Variants in CAMK2A observed in about 807,000 individuals in gnomAD.
The protein encoded by CAMK2A is calcium/calmodulin-dependent protein kinase type II subunit alpha.
Under a neutral mutation model 79.2 loss-of-function variants are expected in CAMK2A, and 7 were observed. The observed-to-expected ratio is 0.09, with a 90% CI of 0.05 to 0.17. The LOEUF (loss-of-function observed/expected upper bound fraction) is 0.17. Ranked by LOEUF, CAMK2A falls within the 10% of genes least tolerant of loss-of-function variation. The probability of loss-of-function intolerance (pLI) is 1.00; values close to 1 mark genes in which losing one functional copy is unlikely to be tolerated. For synonymous variants in CAMK2A, 242 were observed against 251.7 expected (o/e 0.96, Z 0.36); for missense variants, 214 against 646.4 (o/e 0.33, Z 7.25).
At chr5:150,235,867 G>A (rs143666793) in intron 15 of CAMK2A, among the ~76,000 whole-genome samples, 138 of 152,240 alleles carry the variant, frequency 9.1e-4, no homozygotes, top group African/African-American at 3.2e-3. Context: ...CTCTGAGGCC[G>A]GGAGAGGCTG....
intron 3 of CAMK2A, 55 bp from the exon 4 acceptor site, chr5:150,257,672 G>T: frequency 7.2e-7 from 1 of 1,383,216 alleles, no homozygotes. Context: ...GCACAGGCCC[G>T]CCCTCCCTCT....
chr5:150,220,682 C>A lies in CAMK2A; in HGVS notation c.*2028G>T, dbSNP rs900721900. 6.6e-6 allele frequency: 1 copy of A among 152,194 alleles called. No homozygotes were observed. Among genetic ancestry groups the A allele is most frequent in the Non-Finnish European group, 1.5e-5 (1 of 68,012 alleles). 9.4% of individuals were successfully genotyped at this position (152,194 alleles called of 1,614,324 possible). A position where few individuals can be genotyped will look rare whatever the true frequency, so the allele number is the denominator to read the frequency against. The stretch of plus-strand genomic sequence containing the variant: ...GGATCACTGGGCCTTACTGGGAAGC[C>A]CTCTGGGCCTGGGGCAGGCCAAGAG... On this transcript the variant is annotated 3_prime_UTR_variant, in exon 19 of 19. Transcript: ENST00000671881.
intron 11 of CAMK2A, among the ~76,000 whole-genome samples, chr5:150,249,706 C>G (rs1755742069): frequency 6.6e-6 from 1 of 152,148 alleles, no homozygotes; most frequent in South Asian, 2.1e-4. Flanking sequence ...TGCCACCATG[C>G]CTGGCTAATT....
intron 2 of CAMK2A, among the ~76,000 whole-genome samples, chr5:150,270,663 C>A (rs1466124748): frequency 6.6e-6 from 1 of 151,784 alleles, no homozygotes; most frequent in Admixed American, 6.6e-5. Context: ...CTCCTCCTCT[C>A]CCGCTGGGAA....
rs980976303 is a variant in CAMK2A, at chr5:150,245,304, A to T, written c.944-103T>A. 6.5e-6 allele frequency: 7 copies of T among 1,084,728 alleles called. No homozygotes were observed. In the African/African-American group the frequency reaches 1.1e-4, roughly 17 times the overall value. 67.2% of individuals were successfully genotyped at this position (1,084,728 alleles called of 1,614,324 possible). A position where few individuals can be genotyped will look rare whatever the true frequency, so the allele number is the denominator to read the frequency against. On this transcript the variant is annotated intron_variant, in intron 12 of 18. Transcript: ENST00000671881. ...CACACGCAGCCGGAGGGCAGACTGC[A>T]GGGAGCAGAGCTGGCCCAGCGATCC...
At position 150,284,038 on chromosome 5, in the gene CAMK2A, G is replaced by C. The variant is rs1357538542; in HGVS notation, c.62+5526C>G. Among the ~76,000 whole-genome samples the C allele has an allele frequency of 6.6e-6, 1 of 152,222 alleles. No individual in the cohort carries two copies. Among genetic ancestry groups the C allele is most frequent in the African/African-American group, 2.4e-5 (1 of 41,466 alleles). ...GGTTGGGCTGCACCTGCACTCAGCA[G>C]GTTGCCTGGGGTAGGAGGCTTCCTA... On this transcript the variant is annotated intron_variant, in intron 1 of 18. Coordinates refer to ENST00000671881, the MANE Select transcript of CAMK2A (RefSeq NM_015981.4). This position sits in a 1 kb window ranked among gnomAD's most constrained non-coding sequence, Gnocchi z 5.3.
intron 15 of CAMK2A, among the ~76,000 whole-genome samples, chr5:150,231,772 G>C (rs536552714): frequency 6.6e-6 from 1 of 152,254 alleles, no homozygotes; most frequent in East Asian, 1.9e-4. Flanking sequence ...TACCACCTTT[G>C]CTTTGCCATG....
intron 3 of CAMK2A, among the ~76,000 whole-genome samples, chr5:150,262,644 CAAT>C (rs1409308417): frequency 1.3e-5 from 2 of 152,158 alleles, no homozygotes; most frequent in Non-Finnish European, 2.9e-5. Context: ...GTAAATGACT[CAAT>C]GATGATGATG....
At chr5:150,245,270 A>T in intron 12 of CAMK2A, 69 bp from the exon 13 acceptor site, 1 of 1,497,454 alleles carries the variant, frequency 6.7e-7, no homozygotes, top group Non-Finnish European at 9.3e-7. Flanking sequence ...GGCGAGGACG[A>T]GCAGCATCCA....
intron 3 of CAMK2A, among the ~76,000 whole-genome samples, chr5:150,262,722 G>A (rs1276937019): frequency 6.6e-6 from 1 of 152,084 alleles, no homozygotes; most frequent in Admixed American, 6.5e-5. Flanking sequence ...TTTACTTAAC[G>A]CTATCTCATT....
Position 150,251,988 on chromosome 5 carries a change from C to G in CAMK2A, c.592G>C (p.Ala198Pro). The stretch of plus-strand genomic sequence containing the variant: ...GGCCTTAGGATGAACTCACCACAAG[C>G]CCACAGGTCCACAGGCTTCCCGTAC... ...DPYGKPVDLW[A>P]CGVILYILLV... Residue 198 changes from alanine to proline, a missense_variant, in exon 8 of 19, where the codon GCT (alanine) becomes CCT (proline). Coordinates refer to ENST00000671881, the MANE Select transcript of CAMK2A (RefSeq NM_015981.4). 1 of 1,613,692 alleles carries G rather than the reference C, an allele frequency of 6.2e-7. No individual in the cohort carries two copies. Among genetic ancestry groups the G allele is most frequent in the Non-Finnish European group, 8.5e-7 (1 of 1,179,670 alleles).
At chr5:150,267,572 G>A (rs1756563007) in intron 2 of CAMK2A, among the ~76,000 whole-genome samples, 1 of 152,212 alleles carries the variant, frequency 6.6e-6, no homozygotes, top group African/African-American at 2.4e-5. Flanking sequence ...CAATTAACCT[G>A]CATTTTCACT....
In CAMK2A at chr5:150,289,561, C is replaced by A; in HGVS notation, c.62+3G>T. The A allele has an allele frequency of 6.2e-7, 1 of 1,613,552 alleles. No individual in the cohort carries two copies. The highest frequency in any genetic ancestry group is 8.5e-7 in the Non-Finnish European group (1 of 1,179,506). ...TTCCAGGACTTCCTGAGGCACAACTCACTTGCCCAATTCCTCGAAGAGCTG... is the reference window on the plus strand; with the variant it reads ...TTCCAGGACTTCCTGAGGCACAACTAACTTGCCCAATTCCTCGAAGAGCTG... On this transcript the variant is annotated splice_donor_region_variant and intron_variant, in intron 1 of 18. Coordinates refer to ENST00000671881, the MANE Select transcript of CAMK2A (RefSeq NM_015981.4).
intron 16 of CAMK2A, among the ~76,000 whole-genome samples, chr5:150,229,746 C>T (rs1341405164): frequency 6.6e-6 from 1 of 152,230 alleles, no homozygotes; most frequent in African/African-American, 2.4e-5. Flanking sequence ...ATTCCAAGTC[C>T]ATTCTTTCTA....
intron 1 of CAMK2A, among the ~76,000 whole-genome samples, chr5:150,286,444 C>T (rs953508741): frequency 6.6e-6 from 1 of 152,238 alleles, no homozygotes; most frequent in South Asian, 2.1e-4. Flanking sequence ...CAAAGGCCTG[C>T]AGTCCTGAGC....
At chr5:150,265,582 G>C (rs1756479088) in intron 2 of CAMK2A, among the ~76,000 whole-genome samples, 1 of 151,974 alleles carries the variant, frequency 6.6e-6, no homozygotes, top group Non-Finnish European at 1.5e-5. Flanking sequence ...TTGAGGGCAG[G>C]GACTTCGTCT....
intron 1 of CAMK2A, among the ~76,000 whole-genome samples, chr5:150,286,262 A>T (rs1414342793): frequency 6.6e-6 from 1 of 152,088 alleles, no homozygotes; most frequent in African/African-American, 2.4e-5. Flanking sequence ...CAAGTTCTTG[A>T]CTCATCTGAA....
chr5:150,231,156 T>A lies in CAMK2A; in HGVS notation c.1142+149A>T, dbSNP rs901992743. On this transcript the variant is annotated intron_variant, in intron 16 of 18. Transcript: ENST00000671881. Reference sequence around the variant, plus strand: ...GCTCAATAGAAGCATCAAGTCCGGATGCAAAATAGAAATATGAGTTCAGCC... The same window carrying A: ...GCTCAATAGAAGCATCAAGTCCGGAAGCAAAATAGAAATATGAGTTCAGCC... 8.9e-6 allele frequency: 4 copies of A among 449,376 alleles called. No homozygotes were observed. In the Admixed American group the frequency reaches 1.1e-4, roughly 12 times the overall value. 27.8% of individuals were successfully genotyped at this position (449,376 alleles called of 1,614,324 possible).
intron 17 of CAMK2A, among the ~76,000 whole-genome samples, chr5:150,225,186 G>C (rs1754543122): frequency 6.6e-6 from 1 of 152,096 alleles, no homozygotes; most frequent in Non-Finnish European, 1.5e-5. Flanking sequence ...GGGACAAACA[G>C]AGCTTAGCAT....
Sources: allele counts gnomAD v4.1 joint callset (sites outside exome capture counted in the v4.1 genomes callset), GRCh38; gene constraint gnomAD v4.1.1; non-coding constraint Gnocchi (gnomAD v3.1); transcripts MANE v1.5; gene names NCBI Gene and HGNC (gene_info 2026-07-23, HGNC 2026-07-21).